The following PBRM1 variants were observed in gnomAD, a reference collection of about 807,000 sequenced individuals.
PBRM1 encodes the protein polybromo 1.
A neutral mutation model predicts 194.5 loss-of-function variants in PBRM1; 27 were observed. The ratio of observed to expected loss-of-function variants is 0.14; its 90% confidence interval spans 0.10 to 0.19. The LOEUF is 0.19. Ranked by LOEUF, PBRM1 falls within the 10% of genes least tolerant of loss-of-function variation. The pLI is 1.00. For synonymous variants in PBRM1, 655 were observed against 693.2 expected (o/e 0.94, Z 0.87); for missense variants, 1,466 against 2,077.2 (o/e 0.71, Z 5.72).
At chr3:52,674,647 T>C (rs367898534) in intron 2 of PBRM1, among the ~76,000 whole-genome samples, 4 of 125,372 alleles carry the variant, frequency 3.2e-5, no homozygotes, top group Admixed American at 8.4e-5. Flanking sequence ...AAAAAAAATA[T>C]ATATATATAT....
intron 11 of PBRM1, among the ~76,000 whole-genome samples, chr3:52,634,122 G>A (rs150317942): frequency 9.5e-4 from 144 of 152,138 alleles, no homozygotes; most frequent in Middle Eastern, 3.4e-3. Flanking sequence ...AAAGATTTTC[G>A]TACTTTGCTC....
At chr3:52,586,591 T>C (rs2153773479) in exon 20 of PBRM1, 1 of 1,614,034 alleles carries the variant, frequency 6.2e-7, no homozygotes, top group Non-Finnish European at 8.5e-7. Flanking sequence ...GGTCCACAGT[T>C]TAATTTTCTT....
intron 20 of PBRM1, 93 bp from the exon 23 acceptor site, chr3:52,579,292 T>A: frequency 8.1e-7 from 1 of 1,240,260 alleles, no homozygotes; most frequent in Non-Finnish European, 1.2e-6. Context: ...TCACATTAAC[T>A]TAAAAGAAAA....
chr3:52,670,177 T>A (rs2096918659), intron 2 of PBRM1, among the ~76,000 whole-genome samples: 1 of 152,150 alleles, frequency 6.6e-6, no homozygotes, highest in Admixed American at 6.6e-5. Context: ...AAGGACACTA[T>A]CCCCCAGAAT....
At chr3:52,634,483 T>TA (rs76361761) in intron 11 of PBRM1, 119 bp downstream of exon 12, 612 of 661,126 alleles carry the variant, frequency 9.3e-4, no homozygotes, top group South Asian at 1.6e-3. Context: ...AATTTGAGGT[T>TA]AAAAAAAAAC....
chr3:52,581,925 C>T (rs909948227), intron 20 of PBRM1, among the ~76,000 whole-genome samples: 2 of 152,246 alleles, frequency 1.3e-5, no homozygotes, highest in Non-Finnish European at 2.9e-5. Flanking sequence ...CATGAGCCAC[C>T]GAGCACGGCC....
intron 22 of PBRM1, among the ~76,000 whole-genome samples, chr3:52,566,523 G>A (rs1340758144): frequency 6.6e-6 from 1 of 152,100 alleles, no homozygotes; most frequent in African/African-American, 2.4e-5. Context: ...GATGAGCCTT[G>A]AAAACATTAG....
rs1481001270 is a variant in PBRM1 at position 52,609,153 on chromosome 3, T to C, written c.2567+160A>G. ...GCCTTCTCTCCCCCACAGAATATAC[T>C]CACTCTTAAGAAGTTCTGGCTGATT... On this transcript the variant is annotated intron_variant, in intron 16 of 29. Transcript: ENST00000296302. The surrounding 1 kb of genome is among the most constrained non-coding windows in gnomAD (Gnocchi z 4.1). 2 of 617,936 alleles carry C rather than the reference T, an allele frequency of 3.2e-6. No individual in the cohort carries two copies. Among genetic ancestry groups the C allele is most frequent in the Non-Finnish European group, 5.6e-6 (2 of 357,440 alleles). 38.3% of individuals were successfully genotyped at this position (617,936 alleles called of 1,614,324 possible). A position where few individuals can be genotyped will look rare whatever the true frequency, so the allele number is the denominator to read the frequency against.
chr3:52,579,569 G>A (rs535488429), intron 20 of PBRM1, among the ~76,000 whole-genome samples: 1 of 152,202 alleles, frequency 6.6e-6, no homozygotes, highest in Admixed American at 6.5e-5. Context: ...TTGTACTCCA[G>A]CCTGGGCGAC....
intron 7 of PBRM1, among the ~76,000 whole-genome samples, chr3:52,647,877 C>T (rs1360319658): frequency 6.6e-6 from 1 of 151,838 alleles, no homozygotes; most frequent in Non-Finnish European, 1.5e-5. Context: ...TGATGGCTGC[C>T]CAACTCCATG....
At chr3:52,586,668 T>C (rs1358598415) in exon 20 of PBRM1, 1 of 1,601,936 alleles carries the variant, frequency 6.2e-7, no homozygotes. Flanking sequence ...GGAAGTTTTC[T>C]GGGCATAACT....
chr3:52,638,593 G>A (rs916317693), intron 10 of PBRM1, among the ~76,000 whole-genome samples: 2 of 122,182 alleles, frequency 1.6e-5, no homozygotes, highest in Middle Eastern at 4.5e-3. Context: ...TCCTGACCTC[G>A]TATTCTCTCT....
At chr3:52,547,641 T>C (rs1472453095), downstream of PBRM1, 1 of 233,976 alleles carries the variant, frequency 4.3e-6, no homozygotes. Context: ...AACTAATCTG[T>C]AAACTCTTGT....
At chr3:52,632,304 C>T (rs1179898030) in intron 11 of PBRM1, among the ~76,000 whole-genome samples, 2 of 151,980 alleles carry the variant, frequency 1.3e-5, no homozygotes, top group African/African-American at 2.4e-5. Context: ...TTTTAAAAGG[C>T]CGGGTATGGT....
At chr3:52,583,833 C>T (rs1370038394) in intron 20 of PBRM1, among the ~76,000 whole-genome samples, 1 of 152,120 alleles carries the variant, frequency 6.6e-6, no homozygotes, top group Non-Finnish European at 1.5e-5. Flanking sequence ...TCTGTAGAGA[C>T]AAGGTCTTGC....
At chr3:52,684,604 G>A (rs1475386182), upstream of PBRM1, among the ~76,000 whole-genome samples, 3 of 152,152 alleles carry the variant, frequency 2.0e-5, no homozygotes, top group African/African-American at 4.8e-5. Context: ...TTACCAAAAT[G>A]TTAACAAACC....
chr3:52,670,738 T>TA (rs1490208881), intron 2 of PBRM1, among the ~76,000 whole-genome samples: 1 of 152,174 alleles, frequency 6.6e-6, no homozygotes, highest in Non-Finnish European at 1.5e-5. Flanking sequence ...TGCATGCCTG[T>TA]AGTCCCAGCT....
At chr3:52,659,723 C>G (rs2096678747) in intron 4 of PBRM1, among the ~76,000 whole-genome samples, 1 of 152,114 alleles carries the variant, frequency 6.6e-6, no homozygotes, top group Non-Finnish European at 1.5e-5. Context: ...GCACCAGACC[C>G]AAGAAAATCA....
intron 17 of PBRM1, among the ~76,000 whole-genome samples, chr3:52,599,256 T>C (rs1288483508): frequency 6.6e-6 from 1 of 152,152 alleles, no homozygotes; most frequent in Non-Finnish European, 1.5e-5. Context: ...ATACAACGTA[T>C]AACAATCAAA....
Sources: gnomAD v4.1 joint callset for allele counts (sites outside exome capture counted in the v4.1 genomes callset) on GRCh38, gnomAD v4.1.1 for gene constraint, Gnocchi (gnomAD v3.1) non-coding constraint, MANE v1.5 for transcripts, NCBI Gene and HGNC (gene_info 2026-07-23, HGNC 2026-07-21) for gene names.